TNN: variants seen among roughly 807,000 people sequenced by gnomAD.
The protein encoded by TNN is tenascin N.
In TNN, 122 loss-of-function variants were observed where a neutral mutation model predicts 134.4. The observed-to-expected ratio is 0.91, with a 90% CI of 0.78 to 1.06. The LOEUF is 1.06. TNN is among the 50% of genes least tolerant of loss of function. TNN has a pLI of 0.00. For missense variants in TNN, 1,739 were observed against 1,699.4 expected (o/e 1.02, Z -0.41); for synonymous variants, 710 against 670.3 (o/e 1.06, Z -0.91).
chr1:175,080,424 C>G lies in TNN; in HGVS notation c.1046C>G (p.Thr349Arg), dbSNP rs1674173935. ...AGCCCACAGCATCTACTTGCCACCACAGGTGAGGAAGCCACCTGATGCCCC... is the reference window on the plus strand; with the variant it reads ...AGCCCACAGCATCTACTTGCCACCAGAGGTGAGGAAGCCACCTGATGCCCC... Reference protein sequence around the residue: ...SSSPQHLLATTDLAVLGTAWV... With the variant: ...SSSPQHLLATRDLAVLGTAWV... The change falls in exon 4 of 19, where the codon ACA (threonine) becomes AGA (arginine). Residue 349 changes from threonine to arginine, a missense_variant and splice_region_variant. Thr to Arg is a moderately conservative substitution (Grantham distance 71, BLOSUM62 -1). Coordinates refer to ENST00000239462, the MANE Select transcript of TNN (RefSeq NM_022093.2). 3.1e-6 allele frequency: 5 copies of G among 1,613,786 alleles called. No homozygotes were observed. The East Asian group carries it at 1.1e-4, about 36-fold the overall frequency.
chr1:175,098,365 G>C lies in TNN; in HGVS notation c.1889G>C (p.Arg630Pro), dbSNP rs150646718. The C allele has an allele frequency of 6.2e-7, 1 of 1,614,180 alleles. No individual in the cohort carries two copies. The highest frequency in any genetic ancestry group is 2.2e-5 in the East Asian group (1 of 44,890). ...IDSPKNLVTD[R>P]VTENMATVSW... ...AGCCCCAAAAACCTGGTGACTGACCGGGTGACAGAGAATATGGCCACGGTC... is the reference window on the plus strand; with the variant it reads ...AGCCCCAAAAACCTGGTGACTGACCCGGTGACAGAGAATATGGCCACGGTC... Residue 630 changes from arginine (R) to proline (P), a missense_variant, in exon 9 of 19, where the codon CGG (arginine) becomes CCG (proline). Coordinates refer to ENST00000239462, the MANE Select transcript of TNN (RefSeq NM_022093.2).
chr1:175,106,314 A>G (rs1297091868), intron 9 of TNN, among the ~76,000 whole-genome samples: 1 of 145,710 alleles, frequency 6.9e-6, no homozygotes, highest in Non-Finnish European at 1.5e-5. Context: ...TTTTGTTCTC[A>G]CTTATATGAA....
Position 175,079,466 on chromosome 1 carries a change from C to T in TNN, c.543C>T (p.Cys181=). ...GGGCGTGCAGCGGCCACGGGCGTTG[C>T]GTGGACGGGCGCTGCCTGTGCCATG... is the stretch of plus-strand genomic sequence containing the variant. ...CPGACSGHGR[C]VDGRCLCHEP... The change falls in exon 3 of 19, where the codon TGC becomes TGT. Residue 181 remains cysteine (C), a synonymous_variant. Transcript: ENST00000239462. 1.3e-6 allele frequency: 2 copies of T among 1,563,646 alleles called. No individual in the cohort carries two copies. Among genetic ancestry groups the T allele is most frequent in the Non-Finnish European group, 1.7e-6 (2 of 1,156,926 alleles).
chr1:175,094,326 A>C, intron 7 of TNN, 73 bp downstream of exon 7: 171 of 1,414,202 alleles, frequency 1.2e-4, no homozygotes, highest in Non-Finnish European at 1.5e-4. Context: ...TCAGGAGGTC[A>C]TTGCTCACCT....
intron 3 of TNN, 66 bp from the exon 4 acceptor site, chr1:175,080,097 A>G (rs1263519012): frequency 1.9e-6 from 3 of 1,584,934 alleles, no homozygotes; most frequent in Non-Finnish European, 2.6e-6. Flanking sequence ...TGCTCAGGGA[A>G]TACTCACTGG....
At chr1:175,081,800 C>T (rs1674203468) in intron 4 of TNN, among the ~76,000 whole-genome samples, 2 of 152,136 alleles carry the variant, frequency 1.3e-5, no homozygotes, top group Non-Finnish European at 2.9e-5. Context: ...GAATCTGGGC[C>T]TGTGTTAGGT....
At chr1:175,112,149 T>C (rs529240747) in intron 9 of TNN, among the ~76,000 whole-genome samples, 6 of 152,224 alleles carry the variant, frequency 3.9e-5, no homozygotes, top group Non-Finnish European at 1.5e-5. Context: ...GCCTTTAGAG[T>C]GTTGAGGTAT....
rs138481825 is a variant in TNN at position 175,080,536 on chromosome 1, C to T, written c.1048+110C>T. 27 of 1,280,654 alleles carry T rather than the reference C, an allele frequency of 2.1e-5. No individual in the cohort carries two copies. The African/African-American group carries it at 3.7e-4, about 18-fold the overall frequency. The allele number at this position is 1,280,654 out of a possible 1,614,324, so 79.3% of individuals were successfully genotyped here. On this transcript the variant is annotated intron_variant, in intron 4 of 18. Transcript: ENST00000239462. ...GCCTTGATTAGGGGTTTGAAAAACA[C>T]ACCTGCCACAATCCTAGGTTCTGAA...
chr1:175,117,586 T>C (rs1195462905), intron 10 of TNN, among the ~76,000 whole-genome samples: 1 of 152,214 alleles, frequency 6.6e-6, no homozygotes, highest in East Asian at 1.9e-4. Context: ...AGATGTCACA[T>C]CTGCCATAGC....
At chr1:175,101,024 T>A (rs1207595497) in intron 9 of TNN, among the ~76,000 whole-genome samples, 1 of 152,232 alleles carries the variant, frequency 6.6e-6, no homozygotes, top group East Asian at 1.9e-4. Flanking sequence ...TCAAATCTTC[T>A]CTTCTAGCTA....
At position 175,128,062 on chromosome 1, in the gene TNN, T is replaced by G; in HGVS notation, c.3076T>G (p.Phe1026Val). 1 of 1,614,142 alleles carries G rather than the reference T, an allele frequency of 6.2e-7. No individual in the cohort carries two copies. The highest frequency in any genetic ancestry group is 8.5e-7 in the Non-Finnish European group (1 of 1,180,004). The part of the protein sequence containing the change: ...EMQLGREDQR[F>V]ALQGLEQGAT... ...GCAGCTGGGACGGGAAGACCAGAGG[T>G]TTGCGTTGCAAGGCCTTGAGCAAGG... Residue 1026 changes from phenylalanine to valine, a missense_variant, in exon 14 of 19, where the codon TTT becomes GTT. Transcript: ENST00000239462.
intron 6 of TNN, among the ~76,000 whole-genome samples, chr1:175,088,270 G>A (rs1321290629): frequency 2.6e-5 from 4 of 152,040 alleles, no homozygotes; most frequent in Admixed American, 6.6e-5. Flanking sequence ...CCCCCTTTCT[G>A]AGGCTACCCA....
intron 15 of TNN, among the ~76,000 whole-genome samples, chr1:175,131,159 T>C (rs543095244): frequency 2.2e-4 from 33 of 152,192 alleles, no homozygotes; most frequent in Non-Finnish European, 4.9e-4. Context: ...CAACAGGAAC[T>C]CAATCTGAAG....
intron 6 of TNN, among the ~76,000 whole-genome samples, chr1:175,089,806 C>T (rs1408548082): frequency 1.3e-5 from 2 of 152,216 alleles, no homozygotes; most frequent in African/African-American, 4.8e-5. Flanking sequence ...CCTCCTTAGA[C>T]TATGCTGTGA....
chr1:175,069,031 A>G (rs1673860423), intron 1 of TNN, among the ~76,000 whole-genome samples: 1 of 152,228 alleles, frequency 6.6e-6, no homozygotes, highest in East Asian at 1.9e-4. Flanking sequence ...GAAAGAATGA[A>G]TGAGAACAGG....
chr1:175,123,503 C>T lies in TNN; in HGVS notation c.2754C>T (p.Arg918=). 2.5e-6 allele frequency: 4 copies of T among 1,614,056 alleles called. No homozygotes were observed. The highest frequency in any genetic ancestry group is 3.4e-6 in the Non-Finnish European group (4 of 1,179,936). Residue 918 remains arginine, a synonymous_variant, in exon 12 of 19, where the codon CGC becomes CGT. Transcript: ENST00000239462. ...CCACCATTGACAAGTACATGGTGCGCTACACCTCTGCTGACGGAGAGACCA... is the reference window on the plus strand; with the variant it reads ...CCACCATTGACAAGTACATGGTGCGTTACACCTCTGCTGACGGAGAGACCA... ...VQATIDKYMV[R]YTSADGETRE...
intron 9 of TNN, among the ~76,000 whole-genome samples, chr1:175,107,989 C>G (rs1307667589): frequency 4.6e-5 from 6 of 131,150 alleles, no homozygotes; most frequent in South Asian, 2.6e-4. Context: ...GCTAGATACA[C>G]AGTGTCGATT....
chr1:175,123,655 C>T lies in TNN; in HGVS notation c.2906C>T (p.Ala969Val). ...GAGAGCAAGAAGGCTGACACCAAGG[C>T]CCAGACAGGTACTGAGAGGGACCAG... ...AQESKKADTK[A>V]QTELDPPRNL... Residue 969 changes from alanine (A) to valine (V), a missense_variant, in exon 12 of 19, where the codon GCC becomes GTC. By Grantham distance (64) the Ala-to-Val change is moderately conservative (BLOSUM62 0). Transcript: ENST00000239462. 1 of 1,614,152 alleles carries T rather than the reference C, an allele frequency of 6.2e-7. No homozygotes were observed. Among genetic ancestry groups the T allele is most frequent in the Non-Finnish European group, 8.5e-7 (1 of 1,180,018 alleles).
chr1:175,116,818 C>A, intron 9 of TNN, 121 bp from the exon 10 acceptor site: 1 of 1,377,900 alleles, frequency 7.3e-7, no homozygotes, highest in Non-Finnish European at 1.0e-6. Flanking sequence ...CAACTGAAAA[C>A]CAGCATATGA....
Sources: gnomAD v4.1 joint callset for allele counts (sites outside exome capture counted in the v4.1 genomes callset) on GRCh38, gnomAD v4.1.1 for gene constraint, MANE v1.5 for transcripts, NCBI Gene and HGNC (gene_info 2026-07-23, HGNC 2026-07-21) for gene names.